KLF17: variants seen among roughly 807,000 people sequenced by gnomAD.
The protein encoded by KLF17 is KLF transcription factor 17, also known as Krueppel-like factor 17.
KLF17 carries 31 observed loss-of-function variants against 34.2 expected under a neutral mutation model. The observed-to-expected ratio is 0.91, with a 90% CI of 0.68 to 1.22. KLF17 has a LOEUF of 1.22. Among genes scored for constraint, KLF17 ranks in the 50% most tolerant of loss-of-function variants. The probability of loss-of-function intolerance (pLI) is 0.00; values close to 1 mark genes in which losing one functional copy is unlikely to be tolerated. For missense variants in KLF17, 478 were observed against 505.2 expected (o/e 0.95, Z 0.52); for synonymous variants, 179 against 186.7 (o/e 0.96, Z 0.34).
the KLF17 span, among the ~76,000 whole-genome samples, chr1:44,102,479 G>A: frequency 6.6e-6 from 1 of 151,414 alleles, no homozygotes; most frequent in Non-Finnish European, 1.5e-5. Context: ...CTTGAACCCA[G>A]GAGATGGAGG....
chr1:44,103,967 G>A, the KLF17 span: 7 of 863,304 alleles, frequency 8.1e-6, no homozygotes, highest in African/African-American at 1.6e-5. Context: ...TGCGGTTGGC[G>A]ATCTCGTACT....
rs2088098815 is a variant in KLF17, at chr1:44,130,721, G to A, written c.1135G>A (p.Gly379Arg). 6.2e-7 allele frequency: 1 copy of A among 1,614,096 alleles called. No homozygotes were observed. The highest frequency in any genetic ancestry group is 1.1e-5 in the South Asian group (1 of 91,076). The change falls in exon 3 of 4, where the codon GGA becomes AGA. Residue 379 changes from glycine (G) to arginine (R), a missense_variant. Physicochemically the swap from Gly to Arg is moderately radical, Grantham distance 125 (BLOSUM62 -2). Coordinates refer to ENST00000372299, the MANE Select transcript of KLF17 (RefSeq NM_173484.4). ...PSDPQANNNNGEQDSPPAAGP is the reference protein window; with the variant it reads ...PSDPQANNNNREQDSPPAAGP ...AGACCCACAGGCCAACAACAACAAT[G>A]GAGAGCAGGACAGTCCTCCTGCTGC...
chr1:44,044,380 G>A, the KLF17 span, among the ~76,000 whole-genome samples: 1 of 152,222 alleles, frequency 6.6e-6, no homozygotes, highest in Non-Finnish European at 1.5e-5. Context: ...GGGGTTATTT[G>A]TAGTTGACAC....
chr1:44,104,578 A>G, the KLF17 span: 572,009 of 638,104 alleles, frequency 0.9, 258,235 homozygotes, highest in Non-Finnish European at 0.94. Flanking sequence ...CTGTGACAGC[A>G]GTGATGCCTC....
At chr1:44,115,874 T>C (rs2087875437), upstream of KLF17, 1 of 152,218 alleles carries the variant, frequency 6.6e-6, no homozygotes. Flanking sequence ...AGCCATAATA[T>C]TAATTTTATG....
upstream of KLF17, among the ~76,000 whole-genome samples, chr1:44,116,681 T>A (rs1356748058): frequency 1.3e-5 from 2 of 152,342 alleles, no homozygotes; most frequent in Admixed American, 6.5e-5. Context: ...GTCACTTACC[T>A]GTTTATTTCA....
the KLF17 span, among the ~76,000 whole-genome samples, chr1:44,100,635 TTTTTGTTTTG>T: frequency 0.29 from 43,500 of 151,414 alleles, 6,492 homozygotes; most frequent in South Asian, 0.34. Context: ...TTTGTTTTTG[TTTTTGTTTTG>T]TTTTGTTTTG....
the KLF17 span, among the ~76,000 whole-genome samples, chr1:44,084,623 C>T: frequency 1.3e-5 from 2 of 150,872 alleles, no homozygotes; most frequent in African/African-American, 4.9e-5. Flanking sequence ...AAGACTGCAG[C>T]TTGCTATGAT....
At chr1:44,088,514 A>C in the KLF17 span, 1 of 152,356 alleles carries the variant, frequency 6.6e-6, no homozygotes, top group African/African-American at 2.4e-5. Context: ...AGTGGTCTGC[A>C]TCTTTTCAGT....
chr1:44,130,669 C>G lies in KLF17; in HGVS notation c.1083C>G (p.His361Gln), dbSNP rs1354891411. 1.2e-6 allele frequency: 2 copies of G among 1,614,094 alleles called. No homozygotes were observed. Among genetic ancestry groups the G allele is most frequent in the Admixed American group, 1.7e-5 (1 of 60,006 alleles). Residue 361 changes from histidine to glutamine, a missense_variant, in exon 3 of 4, where the codon CAC (histidine) becomes CAG (glutamine). By Grantham distance (24) the His-to-Gln change is conservative (BLOSUM62 0). Transcript: ENST00000372299. ...TGAGGTCTGACCATCTCAAGCAACA[C>G]CAGAAGACTCATCGGCCGGGACCCT... ...EFMRSDHLKQ[H>Q]QKTHRPGPSD... is the part of the protein sequence containing the mutation.
At chr1:44,109,189 G>A in the KLF17 span, among the ~76,000 whole-genome samples, 1 of 152,062 alleles carries the variant, frequency 6.6e-6, no homozygotes, top group African/African-American at 2.4e-5. Context: ...TTGTGTGAAT[G>A]GGGAAAATTT....
At chr1:44,055,155 G>A in the KLF17 span, among the ~76,000 whole-genome samples, 561 of 152,246 alleles carry the variant, frequency 3.7e-3, 5 homozygotes, top group Non-Finnish European at 5.7e-3. Context: ...GAGACACCCA[G>A]ATCCATAATG....
chr1:44,122,233 C>T, intron 1 of KLF17: 8 of 1,604,022 alleles, frequency 5.0e-6, no homozygotes, highest in South Asian at 1.1e-5. Context: ...CCTGCAACAG[C>T]TTCCCTTTTC....
the KLF17 span, among the ~76,000 whole-genome samples, chr1:44,089,410 C>T: frequency 2.0e-5 from 3 of 152,180 alleles, no homozygotes; most frequent in Admixed American, 1.3e-4. Flanking sequence ...AAACACTGTA[C>T]ATCAAAGTGT....
the KLF17 span, chr1:44,103,174 C>T: frequency 1.7e-6 from 1 of 573,396 alleles, no homozygotes. Flanking sequence ...AACTCCTCCG[C>T]AGGTGGGCTG....
chr1:44,091,115 A>G, the KLF17 span, among the ~76,000 whole-genome samples: 1 of 152,322 alleles, frequency 6.6e-6, no homozygotes, highest in Admixed American at 6.5e-5. Context: ...TAAAACTGAG[A>G]ATTTAAAAAG....
intron 1 of KLF17, among the ~76,000 whole-genome samples, chr1:44,120,974 A>G (rs541153149): frequency 2.6e-5 from 4 of 152,320 alleles, no homozygotes; most frequent in Non-Finnish European, 2.9e-5. Flanking sequence ...CAGCCTGGGC[A>G]ACATAGTGAG....
the KLF17 span, among the ~76,000 whole-genome samples, chr1:44,068,727 A>G: frequency 6.6e-6 from 1 of 152,238 alleles, no homozygotes; most frequent in African/African-American, 2.4e-5. Context: ...CCAGGGTCAC[A>G]GGCTGGGGTT....
In KLF17 at chr1:44,119,021, C is replaced by A. The variant is rs962526840; in HGVS notation, c.81+33C>A. 5.1e-6 allele frequency: 8 copies of A among 1,561,924 alleles called. No individual in the cohort carries two copies. The East Asian group carries it at 9.3e-5, about 18-fold the overall frequency. ...AGGTGCCAGCCCCTGGCAGGCCGGG[C>A]GGGCCCAGGCTAGGGGGCGGCGGGG... On this transcript the variant is annotated intron_variant, in intron 1 of 3. Transcript: ENST00000372299.
Sources: allele counts gnomAD v4.1 joint callset (sites outside exome capture counted in the v4.1 genomes callset), GRCh38; gene constraint gnomAD v4.1.1; transcripts MANE v1.5; gene names NCBI Gene and HGNC (gene_info 2026-07-23, HGNC 2026-07-21).